Variants in MON1A observed in about 807,000 individuals in gnomAD.
MON1A encodes the protein MON1 vesicular trafficking associated A.
In MON1A, 29 loss-of-function variants were observed where a neutral mutation model predicts 44.6. The observed-to-expected ratio is 0.65, with a 90% CI of 0.48 to 0.89. The LOEUF is 0.89. Among genes scored for constraint, MON1A ranks in the 40% least tolerant of loss-of-function variants. The pLI is 0.00. For synonymous variants in MON1A, 275 were observed against 316.4 expected (o/e 0.87, Z 1.39); for missense variants, 615 against 759.6 (o/e 0.81, Z 2.24).
Position 49,910,229 on chromosome 3 carries a change from G to T in MON1A, c.1269C>A (p.His423Gln). The T allele has an allele frequency of 6.2e-7, 1 of 1,614,144 alleles. No homozygotes were observed. The highest frequency in any genetic ancestry group is 8.5e-7 in the Non-Finnish European group (1 of 1,180,002). ...FQERLRKRGA[H>Q]LALREALRTP... ...TGCGCAGTGCCTCTCGCAGGGCCAG[G>T]TGGGCTCCGCGCTTGCGAAGGCGCT... Residue 423 changes from histidine to glutamine, a missense_variant, in exon 4 of 6, where the codon CAC becomes CAA. Physicochemically the swap from His to Gln is conservative, Grantham distance 24. Coordinates refer to ENST00000296473, the MANE Select transcript of MON1A (RefSeq NM_032355.4). This position sits in a 1 kb window ranked among gnomAD's most constrained non-coding sequence, Gnocchi z 8.0.
chr3:49,928,810 G>T (rs1215590080), intron 1 of MON1A, among the ~76,000 whole-genome samples: 1 of 152,164 alleles, frequency 6.6e-6, no homozygotes, highest in Non-Finnish European at 1.5e-5. Flanking sequence ...ACTTCTGGCG[G>T]TTACTTCCCT....
Position 49,911,245 on chromosome 3 carries a change from G to GATGAT in MON1A, c.613+280_613+281insATCAT, listed in dbSNP as rs1559492025. Among the ~76,000 whole-genome samples the GATGAT allele has an allele frequency of 1.3e-5, 1 of 78,276 alleles. No individual in the cohort carries two copies. Among genetic ancestry groups the GATGAT allele is most frequent in the African/African-American group, 5.2e-5 (1 of 19,148 alleles). The allele number at this position is 78,276 out of a possible 152,430, so 51.4% of individuals were successfully genotyped here. A position where few individuals can be genotyped will look rare whatever the true frequency, so the allele number is the denominator to read the frequency against. On this transcript the variant is annotated intron_variant, in intron 3 of 5. Transcript: ENST00000296473. The surrounding 1 kb of genome is among the most constrained non-coding windows in gnomAD (Gnocchi z 5.7). ...AGATAGATAGATAGATAGATAGATAGAGTTTGTTGTTGTTGTTGTTGTTGC... is the reference window on the plus strand; with the variant it reads ...AGATAGATAGATAGATAGATAGATAGATGATAGTTTGTTGTTGTTGTTGTTGTTGC...
rs1291013470 is a variant in MON1A, at chr3:49,911,461, C to T, written c.613+65G>A. 2 of 1,544,508 alleles carry T rather than the reference C, an allele frequency of 1.3e-6. No homozygotes were observed. The highest frequency in any genetic ancestry group is 4.5e-5 in the East Asian group (2 of 44,420). ...CCCAGCCCTCTGGTCTGCAGGGGTC[C>T]AAAACCTGCTATGAATGAACCTTGG... is the stretch of plus-strand genomic sequence containing the variant. On this transcript the variant is annotated intron_variant, in intron 3 of 5. Transcript: ENST00000296473. This position sits in a 1 kb window ranked among gnomAD's most constrained non-coding sequence, Gnocchi z 5.7.
At position 49,909,535 on chromosome 3, in the gene MON1A, G is replaced by A. The variant is rs1037774283; in HGVS notation, c.1380-135C>T. On this transcript the variant is annotated intron_variant, in intron 4 of 5. Transcript: ENST00000296473. This position sits in a 1 kb window ranked among gnomAD's most constrained non-coding sequence, Gnocchi z 4.0. ...CCCTCCAGGTGCTCCCTTAGGACAG[G>A]GCATTGTCTCCCCACCATAGCAGGC... is the stretch of plus-strand genomic sequence containing the variant. 1 of 1,202,112 alleles carries A rather than the reference G, an allele frequency of 8.3e-7. No homozygotes were observed. The highest frequency in any genetic ancestry group is 1.2e-6 in the Non-Finnish European group (1 of 867,098). 74.5% of individuals were successfully genotyped at this position (1,202,112 alleles called of 1,614,324 possible). A position where few individuals can be genotyped will look rare whatever the true frequency, so the allele number is the denominator to read the frequency against.
chr3:49,928,676 G>A (rs2083070983), intron 1 of MON1A, among the ~76,000 whole-genome samples: 4 of 152,074 alleles, frequency 2.6e-5, no homozygotes, highest in South Asian at 4.1e-4. Context: ...CCTTTGGAGC[G>A]GCCTGTCTGG....
At chr3:49,926,124 C>T (rs1184161118) in intron 1 of MON1A, among the ~76,000 whole-genome samples, 1 of 152,204 alleles carries the variant, frequency 6.6e-6, no homozygotes, top group Non-Finnish European at 1.5e-5. Flanking sequence ...TTCCCCATTA[C>T]TTCTTTGACC....
chr3:49,929,325 CGTTT>C lies in MON1A; in HGVS notation c.-14+280_-14+283del, dbSNP rs1410848971. ...AGACTCTACCGGCCGAATATGTGTA[CGTTT>C]GTTGGCGGGGCGGGGGTGGGGGAGT... On this transcript the variant is annotated intron_variant, in intron 1 of 5. Coordinates refer to ENST00000296473, the MANE Select transcript of MON1A (RefSeq NM_032355.4). The C allele has an allele frequency of 7.9e-6, 4 of 503,656 alleles. No homozygotes were observed. In the African/African-American group the frequency reaches 8.5e-5, roughly 11 times the overall value. The allele number at this position is 503,656 out of a possible 1,614,324, so 31.2% of individuals were successfully genotyped here. A position where few individuals can be genotyped will look rare whatever the true frequency, so the allele number is the denominator to read the frequency against.
Position 49,909,948 on chromosome 3 carries a change from T to G in MON1A, c.1379+171A>C. The stretch of plus-strand genomic sequence containing the variant: ...AAGTAGAGAGGGTATGCTCATGGGG[T>G]GATGGAGAGTCTGGGTCTCTGGTGC... On this transcript the variant is annotated intron_variant, in intron 4 of 5. Coordinates refer to ENST00000296473, the MANE Select transcript of MON1A (RefSeq NM_032355.4). This position sits in a 1 kb window ranked among gnomAD's most constrained non-coding sequence, Gnocchi z 4.0. The G allele has an allele frequency of 1.4e-6, 1 of 702,596 alleles. No homozygotes were observed. Among genetic ancestry groups the G allele is most frequent in the Non-Finnish European group, 2.4e-6 (1 of 411,410 alleles). The allele number at this position is 702,596 out of a possible 1,614,324, so 43.5% of individuals were successfully genotyped here.
chr3:49,917,479 G>A (rs1424248763), intron 1 of MON1A, among the ~76,000 whole-genome samples: 10 of 151,582 alleles, frequency 6.6e-5, no homozygotes, highest in Non-Finnish European at 1.3e-4. Context: ...TAGTAGAGAC[G>A]GGGTTTCACT....
At chr3:49,917,204 T>A (rs1424298826) in intron 1 of MON1A, among the ~76,000 whole-genome samples, 1 of 152,226 alleles carries the variant, frequency 6.6e-6, no homozygotes, top group Non-Finnish European at 1.5e-5. Flanking sequence ...TCAAGCAATC[T>A]GCCTGCCTTG....
rs750603654 is a variant in MON1A, at chr3:49,911,892, G to T, written c.247C>A (p.Leu83Met). 3 of 1,614,036 alleles carry T rather than the reference G, an allele frequency of 1.9e-6. No homozygotes were observed. The highest frequency in any genetic ancestry group is 8.5e-7 in the Non-Finnish European group (1 of 1,180,006). Residue 83 changes from leucine (L) to methionine (M), a missense_variant, in exon 3 of 6, where the codon CTG becomes ATG. Transcript: ENST00000296473. This position sits in a 1 kb window ranked among gnomAD's most constrained non-coding sequence, Gnocchi z 5.7. ...HKEGTRGPPP[L>M]PTDMRQISQD... Reference sequence around the variant, plus strand: ...CTGATCTGGCGCATGTCTGTAGGCAGCGGCGGGGGACCCCTGGTACCCTCC... The same window carrying T: ...CTGATCTGGCGCATGTCTGTAGGCATCGGCGGGGGACCCCTGGTACCCTCC...
In MON1A at chr3:49,909,241, G is replaced by C. The variant is rs2082846433; in HGVS notation, c.1527+12C>G. The C allele has an allele frequency of 1.9e-6, 3 of 1,613,792 alleles. No individual in the cohort carries two copies. Among genetic ancestry groups the C allele is most frequent in the Admixed American group, 1.7e-5 (1 of 59,980 alleles). On this transcript the variant is annotated intron_variant, in intron 5 of 5. Transcript: ENST00000296473. The surrounding 1 kb of genome is among the most constrained non-coding windows in gnomAD (Gnocchi z 4.0). ...CCTCCATAAAGCCCAGCCCATCCCAGGGCTGCCTTACCCAGGCCAGGAGGT... is the reference window on the plus strand; with the variant it reads ...CCTCCATAAAGCCCAGCCCATCCCACGGCTGCCTTACCCAGGCCAGGAGGT...
At position 49,911,190 on chromosome 3, in the gene MON1A, TTAGA is replaced by T. The variant is rs10564221; in HGVS notation, c.614-310_614-307del. Among the ~76,000 whole-genome samples the T allele has an allele frequency of 0.23, 22,256 of 95,374 alleles. 1,884 individuals are homozygous for T. Among genetic ancestry groups the T allele is most frequent in the Middle Eastern group, 0.26 (52 of 200 alleles). 62.6% of individuals were successfully genotyped at this position (95,374 alleles called of 152,430 possible). On this transcript the variant is annotated intron_variant, in intron 3 of 5. Coordinates refer to ENST00000296473, the MANE Select transcript of MON1A (RefSeq NM_032355.4). The surrounding 1 kb of genome is among the most constrained non-coding windows in gnomAD (Gnocchi z 5.7). ...GCTCAGGACCTGGGAGATAGATAGA[TTAGA>T]TAGATAGATAGATAGATAGATAGAT...
Position 49,929,733 on chromosome 3 carries a change from C to T in MON1A, c.-138G>A, listed in dbSNP as rs1180923360. 8 of 1,549,958 alleles carry T rather than the reference C, an allele frequency of 5.2e-6. No homozygotes were observed. Among genetic ancestry groups the T allele is most frequent in the Non-Finnish European group, 6.1e-6 (7 of 1,146,700 alleles). On this transcript the variant is annotated 5_prime_UTR_variant, in exon 1 of 6. Coordinates refer to ENST00000296473, the MANE Select transcript of MON1A (RefSeq NM_032355.4). Reference sequence around the variant, plus strand: ...GGCACAGCTTCGCGGGGCCCCGGCCCCCTGCGTACACAGACATGGCCACAG... The same window carrying T: ...GGCACAGCTTCGCGGGGCCCCGGCCTCCTGCGTACACAGACATGGCCACAG...
Position 49,910,659 on chromosome 3 carries a change from T to C in MON1A, c.839A>G (p.Gln280Arg). 1 of 1,606,906 alleles carries C rather than the reference T, an allele frequency of 6.2e-7. No homozygotes were observed. The highest frequency in any genetic ancestry group is 8.5e-7 in the Non-Finnish European group (1 of 1,175,636). ...GAAGCTGGGGTCTCGTGCCATGAGC[T>C]GCAGCAGGTTGTCGGTGATGCGCTC... ...GSERITDNLL[Q>R]LMARDPSFLM... The change falls in exon 4 of 6, where the codon CAG becomes CGG. Residue 280 changes from glutamine to arginine, a missense_variant. Gln to Arg is a conservative substitution (Grantham distance 43). Coordinates refer to ENST00000296473, the MANE Select transcript of MON1A (RefSeq NM_032355.4). This position sits in a 1 kb window ranked among gnomAD's most constrained non-coding sequence, Gnocchi z 8.0.
chr3:49,911,213 G>GATAGATAGATGATAGATAC lies in MON1A; in HGVS notation c.613+312_613+313insGTATCTATCATCTATCTAT, dbSNP rs2082877183. Among the ~76,000 whole-genome samples, 2 of 140,084 alleles carry GATAGATAGATGATAGATAC rather than the reference G, an allele frequency of 1.4e-5. No individual in the cohort carries two copies. Among genetic ancestry groups the GATAGATAGATGATAGATAC allele is most frequent in the African/African-American group, 5.6e-5 (2 of 35,624 alleles). 91.9% of individuals were successfully genotyped at this position (140,084 alleles called of 152,430 possible). A position where few individuals can be genotyped will look rare whatever the true frequency, so the allele number is the denominator to read the frequency against. On this transcript the variant is annotated intron_variant, in intron 3 of 5. Coordinates refer to ENST00000296473, the MANE Select transcript of MON1A (RefSeq NM_032355.4). The surrounding 1 kb of genome is among the most constrained non-coding windows in gnomAD (Gnocchi z 5.7). ...GATTAGATAGATAGATAGATAGATA[G>GATAGATAGATGATAGATAC]ATAGATAGATAGATAGATAGATAGA...
chr3:49,921,219 G>A lies in MON1A; in HGVS notation c.-13-7860C>T, dbSNP rs530760177. Among the ~76,000 whole-genome samples, 8 of 150,780 alleles carry A rather than the reference G, an allele frequency of 5.3e-5. No individual in the cohort carries two copies. In the South Asian group the frequency reaches 6.3e-4, roughly 12 times the overall value. On this transcript the variant is annotated intron_variant, in intron 1 of 5. Transcript: ENST00000296473. ...GTCGCCTGGACTGGAGTGCAGTGGC[G>A]CGATCTCAGCTCACTGCAAGCTCCA...
At position 49,909,146 on chromosome 3, in the gene MON1A, G is replaced by A. The variant is rs192821095; in HGVS notation, c.1536C>T (p.Gly512=). The A allele has an allele frequency of 7.0e-5, 112 of 1,609,828 alleles. No individual in the cohort carries two copies. The East Asian group carries it at 1.5e-3, about 22-fold the overall frequency. Residue 512 remains glycine, a synonymous_variant, in exon 6 of 6, where the codon GGC becomes GGT. Coordinates refer to ENST00000296473, the MANE Select transcript of MON1A (RefSeq NM_032355.4). The surrounding 1 kb of genome is among the most constrained non-coding windows in gnomAD (Gnocchi z 4.0). ...PNENLLAWVT[G]AFELYMCYSP... is the part of the protein sequence containing the mutation. ...TGTAACACATGTAGAGCTCAAAGGC[G>A]CCTGTCACCTGGAGAAGGGGCAAAG... is the stretch of plus-strand genomic sequence containing the variant.
intron 1 of MON1A, among the ~76,000 whole-genome samples, chr3:49,922,902 G>C (rs947868696): frequency 1.3e-5 from 2 of 151,494 alleles, no homozygotes; most frequent in Admixed American, 1.3e-4. Context: ...GTAGAGACAG[G>C]GTTTCACCAT....
Sources: gnomAD v4.1 joint callset for allele counts (sites outside exome capture counted in the v4.1 genomes callset) on GRCh38, gnomAD v4.1.1 for gene constraint, Gnocchi (gnomAD v3.1) non-coding constraint, MANE v1.5 for transcripts, NCBI Gene and HGNC (gene_info 2026-07-23, HGNC 2026-07-21) for gene names.